Variants in GPAM observed in about 807,000 individuals in gnomAD.
GPAM encodes the protein glycerol-3-phosphate acyltransferase, mitochondrial, also known as glycerol-3-phosphate acyltransferase 1, mitochondrial.
GPAM carries 56 observed loss-of-function variants against 105.0 expected under a neutral mutation model. The observed-to-expected ratio is 0.53, with a 90% confidence interval of 0.43 to 0.67. The LOEUF (loss-of-function observed/expected upper bound fraction) is 0.67, where lower values mean the gene tolerates loss of function less well. Among genes scored for constraint, GPAM ranks in the 30% least tolerant of loss-of-function variants. GPAM has a pLI of 0.00. For missense variants in GPAM, 855 were observed against 989.8 expected (o/e 0.86, Z 1.83); for synonymous variants, 368 against 354.4 (o/e 1.04, Z -0.43).
intron 1 of GPAM, among the ~76,000 whole-genome samples, chr10:112,200,174 A>C (rs1847777557): frequency 3.1e-5 from 1 of 31,756 alleles, no homozygotes; most frequent in Non-Finnish European, 4.8e-5. Flanking sequence ...GGAAATATAT[A>C]TATATATATA....
chr10:112,165,117 G>GC (rs1384048090), intron 12 of GPAM, among the ~76,000 whole-genome samples: 1 of 152,220 alleles, frequency 6.6e-6, no homozygotes, highest in Non-Finnish European at 1.5e-5. Flanking sequence ...AGGTTAGCAA[G>GC]CATCTACCAC....
intron 1 of GPAM, chr10:112,215,159 T>G (rs1847955153): frequency 6.6e-6 from 1 of 152,220 alleles, no homozygotes; most frequent in African/African-American, 2.4e-5. Flanking sequence ...ACCCCAGGTT[T>G]TTAAATACCT....
intron 1 of GPAM, among the ~76,000 whole-genome samples, chr10:112,191,102 G>A (rs539327633): frequency 6.6e-6 from 1 of 152,148 alleles, no homozygotes; most frequent in Non-Finnish European, 1.5e-5. Flanking sequence ...CCAATCAGAC[G>A]GGAAGACAAG....
At chr10:112,159,197 G>T (rs1245657935) in intron 17 of GPAM, among the ~76,000 whole-genome samples, 3 of 149,414 alleles carry the variant, frequency 2.0e-5, no homozygotes, top group African/African-American at 4.9e-5. Flanking sequence ...AAATTGAGAG[G>T]TGTTGAGCAG....
chr10:112,180,536 G>T lies in GPAM; in HGVS notation c.162C>A (p.Ser54Arg), dbSNP rs1245155538. ...FRSATLKWKE[S>R]LMSRKRPFVG... ...CAAATGGCCTTTTCCGACTCATTAG[G>T]CTTTCTTTCCATTTTAAAGTTGCAG... is the stretch of plus-strand genomic sequence containing the variant. The change falls in exon 4 of 22, where the codon AGC (serine) becomes AGA (arginine). Residue 54 changes from serine to arginine, a missense_variant. Coordinates refer to ENST00000348367, the MANE Select transcript of GPAM (RefSeq NM_001244949.2). 1 of 1,612,344 alleles carries T rather than the reference G, an allele frequency of 6.2e-7. No individual in the cohort carries two copies. The highest frequency in any genetic ancestry group is 8.5e-7 in the Non-Finnish European group (1 of 1,178,402).
chr10:112,202,987 T>C (rs1015217679), intron 1 of GPAM, among the ~76,000 whole-genome samples: 2 of 152,184 alleles, frequency 1.3e-5, no homozygotes, highest in African/African-American at 4.8e-5. Flanking sequence ...GGCTGAACTT[T>C]GAGAAGGTGG....
chr10:112,160,455 G>A (rs758514390), intron 16 of GPAM, 149 bp downstream of exon 16: 13 of 1,196,104 alleles, frequency 1.1e-5, no homozygotes, highest in South Asian at 1.5e-5. Flanking sequence ...GATATAACAG[G>A]AGATTACATT....
At chr10:112,223,485 T>C in the GPAM span, among the ~76,000 whole-genome samples, 2 of 152,340 alleles carry the variant, frequency 1.3e-5, no homozygotes, top group Non-Finnish European at 2.9e-5. Context: ...TATTTTGAAG[T>C]CACATGTTGC....
intron 12 of GPAM, 51 bp from the exon 13 acceptor site, chr10:112,164,661 T>C: frequency 2.1e-6 from 2 of 943,528 alleles, no homozygotes; most frequent in South Asian, 1.3e-5. Flanking sequence ...CGCACCAACA[T>C]ATAAAATGTA....
At chr10:112,161,858 C>T in intron 14 of GPAM, 121 bp from the exon 15 acceptor site, 2 of 756,414 alleles carry the variant, frequency 2.6e-6, no homozygotes, top group East Asian at 2.7e-5. Flanking sequence ...TATCACATTT[C>T]CCATAAGTGT....
At chr10:112,167,700 C>T (rs559114216) in intron 11 of GPAM, among the ~76,000 whole-genome samples, 85 of 152,222 alleles carry the variant, frequency 5.6e-4, no homozygotes, top group African/African-American at 1.9e-3. Context: ...ATTACCCTTG[C>T]GGGGATGATG....
intron 17 of GPAM, among the ~76,000 whole-genome samples, chr10:112,159,523 G>A (rs1052766975): frequency 2.0e-5 from 3 of 152,078 alleles, no homozygotes; most frequent in Non-Finnish European, 4.4e-5. Flanking sequence ...GCACCTGGCC[G>A]AGCAGATGAT....
At chr10:112,204,871 C>A (rs554784510) in intron 1 of GPAM, among the ~76,000 whole-genome samples, 2 of 120,992 alleles carry the variant, frequency 1.7e-5, no homozygotes, top group Admixed American at 8.8e-5. Context: ...AAGAGGAAGT[C>A]AAATTGTCCC....
Position 112,163,704 on chromosome 10 carries a change from A to G in GPAM, c.1420T>C (p.Phe474Leu). The G allele has an allele frequency of 7.3e-7, 1 of 1,379,252 alleles. No individual in the cohort carries two copies. Among genetic ancestry groups the G allele is most frequent in the Non-Finnish European group, 1.0e-6 (1 of 965,306 alleles). 85.4% of individuals were successfully genotyped at this position (1,379,252 alleles called of 1,614,324 possible). The change falls in exon 14 of 22, where the codon TTC (phenylalanine) becomes CTC (leucine). Residue 474 changes from phenylalanine to leucine, a missense_variant. Coordinates refer to ENST00000348367, the MANE Select transcript of GPAM (RefSeq NM_001244949.2). ...LIANLAEHIL[F>L]TASKSCAIMS... ...AAGAGTCTGGTATTCTACTTACTGA[A>G]TAGAATATGCTCAGCCAGATTTGCA... is the stretch of plus-strand genomic sequence containing the variant.
chr10:112,227,396 G>C, the GPAM span, among the ~76,000 whole-genome samples: 1 of 152,142 alleles, frequency 6.6e-6, no homozygotes, highest in Admixed American at 6.5e-5. Context: ...ATTAACCTTA[G>C]AGCCTTCTCT....
At position 112,150,768 on chromosome 10, in the gene GPAM, T is replaced by C; in HGVS notation, c.*2782A>G. ...AAACTTGGTTTCCCAGCAACACCAT[T>C]TCTATAAAACACTGATGAACATCTC... On this transcript the variant is annotated 3_prime_UTR_variant, in exon 22 of 22. Coordinates refer to ENST00000348367, the MANE Select transcript of GPAM (RefSeq NM_001244949.2). The C allele has an allele frequency of 1.0e-6, 1 of 985,368 alleles. No individual in the cohort carries two copies. Among genetic ancestry groups the C allele is most frequent in the Non-Finnish European group, 1.2e-6 (1 of 829,864 alleles). The allele number at this position is 985,368 out of a possible 1,614,324, so 61.0% of individuals were successfully genotyped here.
intron 3 of GPAM, among the ~76,000 whole-genome samples, chr10:112,181,272 C>T (rs1420720260): frequency 1.3e-5 from 2 of 151,256 alleles, no homozygotes; most frequent in African/African-American, 4.9e-5. Flanking sequence ...AAAAACAATC[C>T]AAGAAAATGT....
In GPAM at chr10:112,204,345, T is replaced by C. The variant is rs966089627; in HGVS notation, n.210+10823A>G. Among the ~76,000 whole-genome samples, 123 of 151,712 alleles carry C rather than the reference T, an allele frequency of 8.1e-4. 1 individual carries two copies. The highest frequency in any genetic ancestry group is 3.5e-4 in the Non-Finnish European group (24 of 67,948). ...GGTGACACAAGAGATCTGGGGGCTC[T>C]TCTTGAAATAGACAGTTGGGGATTT... On this transcript the variant is annotated intron_variant and non_coding_transcript_variant, in intron 1 of 3. Coordinates refer to the GPAM transcript ENST00000480130.
At chr10:112,214,370 T>G (rs1847946104) in intron 1 of GPAM, 1 of 152,216 alleles carries the variant, frequency 6.6e-6, no homozygotes, top group Non-Finnish European at 1.5e-5. Context: ...TTGATTTCCT[T>G]GGTTTTGCAT....
Sources: allele counts gnomAD v4.1 joint callset (sites outside exome capture counted in the v4.1 genomes callset), GRCh38; gene constraint gnomAD v4.1.1; transcripts MANE v1.5; gene names NCBI Gene and HGNC (gene_info 2026-07-23, HGNC 2026-07-21).